SPAG16: variants seen among roughly 807,000 people sequenced by gnomAD.
The protein encoded by SPAG16 is sperm associated antigen 16, also known as sperm-associated antigen 16 protein.
Under a neutral mutation model 80.4 loss-of-function variants are expected in SPAG16, and 86 were observed. The ratio of observed to expected loss-of-function variants is 1.07; its 90% CI spans 0.90 to 1.28. SPAG16 has a LOEUF of 1.28. Ranked by LOEUF, SPAG16 falls within the 50% of genes most tolerant of loss-of-function variation. SPAG16 has a pLI of 0.00. For synonymous variants in SPAG16, 294 were observed against 265.9 expected (o/e 1.11, Z -1.03); for missense variants, 870 against 765.3 (o/e 1.14, Z -1.61).
intron 15 of SPAG16, among the ~76,000 whole-genome samples, chr2:214,356,498 T>C (rs1912204): frequency 6.6e-6 from 1 of 151,962 alleles, no homozygotes; most frequent in African/African-American, 2.4e-5. Context: ...ATGTATACAG[T>C]ACTTGCAAAA....
chr2:214,171,857 T>G (rs1308723940), intron 15 of SPAG16, among the ~76,000 whole-genome samples: 1 of 151,976 alleles, frequency 6.6e-6, no homozygotes, highest in Non-Finnish European at 1.5e-5. Flanking sequence ...AATGTTTTTT[T>G]CTTTTTAAAA....
intron 10 of SPAG16, among the ~76,000 whole-genome samples, chr2:213,502,860 A>T (rs1165018488): frequency 6.6e-6 from 1 of 152,226 alleles, no homozygotes; most frequent in Admixed American, 6.5e-5. Context: ...ATTCTAGCAT[A>T]GTAGAGCTTA....
chr2:213,516,169 C>T (rs978503028), intron 10 of SPAG16, among the ~76,000 whole-genome samples: 71 of 152,128 alleles, frequency 4.7e-4, no homozygotes, highest in African/African-American at 1.7e-3. Context: ...TCAGCTAATG[C>T]AGAGAAAGAT....
chr2:213,743,098 T>A (rs1272432508), intron 10 of SPAG16, among the ~76,000 whole-genome samples: 3 of 146,846 alleles, frequency 2.0e-5, no homozygotes. Context: ...AGAGACAGGG[T>A]TTCACTGTGT....
intron 15 of SPAG16, among the ~76,000 whole-genome samples, chr2:214,205,752 T>C (rs2058126167): frequency 6.6e-6 from 1 of 152,204 alleles, no homozygotes; most frequent in South Asian, 2.1e-4. Flanking sequence ...TACCTATTTA[T>C]GGAATACATG....
chr2:213,994,032 CGATTTGTG>C (rs1400777442), intron 12 of SPAG16, among the ~76,000 whole-genome samples: 1 of 151,902 alleles, frequency 6.6e-6, no homozygotes, highest in African/African-American at 2.4e-5. Flanking sequence ...TCTAACAGAT[CGATTTGTG>C]ATACAAAAAC....
intron 15 of SPAG16, among the ~76,000 whole-genome samples, chr2:214,392,988 T>A (rs892991536): frequency 6.6e-6 from 1 of 152,196 alleles, no homozygotes; most frequent in African/African-American, 2.4e-5. Context: ...TTCATTATTA[T>A]CCAAGCAGCT....
intron 12 of SPAG16, among the ~76,000 whole-genome samples, chr2:213,956,816 A>C (rs1053047513): frequency 6.6e-6 from 1 of 152,080 alleles, no homozygotes; most frequent in Non-Finnish European, 1.5e-5. Flanking sequence ...ATTGCATTCC[A>C]TAAGTTTTGG....
chr2:214,346,605 T>C (rs187801831), intron 15 of SPAG16, among the ~76,000 whole-genome samples: 15 of 152,294 alleles, frequency 9.8e-5, no homozygotes, highest in Middle Eastern at 3.4e-3. Context: ...AATAACGCTA[T>C]GTGACCTGGG....
At chr2:213,637,207 A>G (rs1475561379) in intron 10 of SPAG16, among the ~76,000 whole-genome samples, 2 of 152,192 alleles carry the variant, frequency 1.3e-5, no homozygotes, top group African/African-American at 4.8e-5. Flanking sequence ...ATCTATTGAG[A>G]TAATCATGTG....
intron 12 of SPAG16, among the ~76,000 whole-genome samples, chr2:213,990,381 G>A (rs958387945): frequency 5.3e-5 from 8 of 152,052 alleles, no homozygotes; most frequent in African/African-American, 1.9e-4. Flanking sequence ...GGAACCAACT[G>A]CCCACACAGT....
At chr2:214,377,608 G>A (rs930662289) in intron 15 of SPAG16, among the ~76,000 whole-genome samples, 2 of 150,266 alleles carry the variant, frequency 1.3e-5, no homozygotes, top group Non-Finnish European at 3.0e-5. Flanking sequence ...GACTGTTTAC[G>A]TTATTGGTAA....
At chr2:213,957,213 A>G (rs1044818718) in intron 12 of SPAG16, among the ~76,000 whole-genome samples, 1 of 152,094 alleles carries the variant, frequency 6.6e-6, no homozygotes, top group Non-Finnish European at 1.5e-5. Flanking sequence ...ATTGAAATGC[A>G]GGACACTGAA....
chr2:213,427,230 G>C (rs1485462341), intron 9 of SPAG16, among the ~76,000 whole-genome samples: 2 of 152,038 alleles, frequency 1.3e-5, no homozygotes, highest in East Asian at 1.9e-4. Context: ...TCACACTCAA[G>C]TTGCTCATCC....
chr2:213,458,842 C>T (rs143005966), intron 9 of SPAG16, among the ~76,000 whole-genome samples: 1 of 152,086 alleles, frequency 6.6e-6, no homozygotes, highest in African/African-American at 2.4e-5. Flanking sequence ...TTTAAAATTT[C>T]CCCTTTATCT....
rs143589519 is a variant in SPAG16 at position 213,333,092 on chromosome 2, T to C, written c.537-7071T>C. On this transcript the variant is annotated intron_variant, in intron 5 of 15. Transcript: ENST00000331683. ...AAATTATCCTTGTTTGCAGATGATA[T>C]GATCTTATATTTGGAAAAACCTAAA... is the stretch of plus-strand genomic sequence containing the variant. 3.6e-3 allele frequency among the ~76,000 whole-genome samples: 541 copies of C among 152,230 alleles called. 6 individuals carry two copies. The highest frequency in any genetic ancestry group is 0.012 in the African/African-American group (509 of 41,562).
At chr2:214,006,189 C>T (rs2047018803) in intron 12 of SPAG16, among the ~76,000 whole-genome samples, 1 of 152,044 alleles carries the variant, frequency 6.6e-6, no homozygotes, top group Non-Finnish European at 1.5e-5. Context: ...ATTCTATTAG[C>T]CACATTTTGT....
chr2:213,826,653 A>G (rs1387847532), intron 10 of SPAG16, among the ~76,000 whole-genome samples: 1 of 151,896 alleles, frequency 6.6e-6, no homozygotes, highest in African/African-American at 2.4e-5. Flanking sequence ...TTGTTTTGTG[A>G]CCTAATATAT....
intron 9 of SPAG16, among the ~76,000 whole-genome samples, chr2:213,474,359 G>T (rs1370060870): frequency 6.6e-6 from 1 of 152,144 alleles, no homozygotes; most frequent in Admixed American, 6.5e-5. Flanking sequence ...GGAAACCTTG[G>T]CAGATTTGAG....
Sources: gnomAD v4.1 joint callset for allele counts (sites outside exome capture counted in the v4.1 genomes callset) on GRCh38, gnomAD v4.1.1 for gene constraint, MANE v1.5 for transcripts, NCBI Gene and HGNC (gene_info 2026-07-23, HGNC 2026-07-21) for gene names.